FRK: variants seen among roughly 807,000 people sequenced by gnomAD.
FRK encodes fyn related Src family tyrosine kinase.
In FRK, 51 loss-of-function variants were observed where a neutral mutation model predicts 56.4. The observed-to-expected ratio is 0.90, with a 90% CI of 0.72 to 1.14. FRK has a LOEUF of 1.14. Among genes scored for constraint, FRK ranks in the 50% most tolerant of loss-of-function variants. The pLI is 0.00. For missense variants in FRK, 570 were observed against 601.4 expected (o/e 0.95, Z 0.55); for synonymous variants, 245 against 217.9 (o/e 1.12, Z -1.10).
intron 4 of FRK, among the ~76,000 whole-genome samples, chr6:115,959,925 T>G (rs1267128441): frequency 6.6e-6 from 1 of 152,052 alleles, no homozygotes; most frequent in Non-Finnish European, 1.5e-5. Flanking sequence ...GAACCCTTAG[T>G]GTCTCCATAA....
At chr6:116,005,808 G>A (rs1775227342) in intron 1 of FRK, among the ~76,000 whole-genome samples, 1 of 151,992 alleles carries the variant, frequency 6.6e-6, no homozygotes, top group Non-Finnish European at 1.5e-5. Context: ...ATGAAAGAAT[G>A]GATGACTCAA....
intron 5 of FRK, among the ~76,000 whole-genome samples, chr6:115,951,193 C>T (rs947303513): frequency 6.6e-6 from 1 of 151,954 alleles, no homozygotes; most frequent in African/African-American, 2.4e-5. Flanking sequence ...AAATTGAAAA[C>T]AAAATGAATG....
At chr6:116,089,088 A>G in the FRK span, among the ~76,000 whole-genome samples, 1 of 152,224 alleles carries the variant, frequency 6.6e-6, no homozygotes, top group African/African-American at 2.4e-5. Context: ...CTTCTTACAT[A>G]TTATTTATAC....
chr6:116,016,545 A>T (rs1344752762), intron 1 of FRK, among the ~76,000 whole-genome samples: 2 of 151,868 alleles, frequency 1.3e-5, no homozygotes, highest in Non-Finnish European at 2.9e-5. Flanking sequence ...GAGTGGATGG[A>T]TGTGTGTGTG....
chr6:115,944,145 A>T, intron 6 of FRK, 99 bp downstream of exon 6: 1 of 991,864 alleles, frequency 1.0e-6, no homozygotes. Context: ...CAGAACTTGG[A>T]GAAACATTGT....
chr6:116,000,605 T>C (rs975333363), intron 2 of FRK, among the ~76,000 whole-genome samples: 3 of 152,134 alleles, frequency 2.0e-5, no homozygotes, highest in Non-Finnish European at 2.9e-5. Context: ...TTTGACTAAA[T>C]AGCTGCCACC....
At chr6:116,076,483 A>G in the FRK span, among the ~76,000 whole-genome samples, 3 of 152,352 alleles carry the variant, frequency 2.0e-5, no homozygotes, top group East Asian at 3.9e-4. Flanking sequence ...ATAACAAATG[A>G]GAAATTATTA....
chr6:116,091,198 C>T, the FRK span, among the ~76,000 whole-genome samples: 2 of 152,180 alleles, frequency 1.3e-5, no homozygotes, highest in Admixed American at 6.5e-5. Flanking sequence ...CTGTGTCTAG[C>T]TAAAGGATTG....
the FRK span, among the ~76,000 whole-genome samples, chr6:116,092,175 C>G: frequency 0.039 from 5,869 of 152,260 alleles, 245 homozygotes; most frequent in Admixed American, 0.13. Context: ...ATAATTTTTG[C>G]CCAAAGCCCT....
chr6:116,090,154 T>C, the FRK span, among the ~76,000 whole-genome samples: 13 of 152,198 alleles, frequency 8.5e-5, no homozygotes, highest in Non-Finnish European at 2.9e-5. Context: ...AGCATGATAA[T>C]GAGTCGTGTC....
intron 1 of FRK, among the ~76,000 whole-genome samples, chr6:116,056,937 T>C (rs1394216438): frequency 6.6e-6 from 1 of 152,228 alleles, no homozygotes; most frequent in Non-Finnish European, 1.5e-5. Context: ...AATTAGTAAA[T>C]TGGGCTTTTT....
the FRK span, among the ~76,000 whole-genome samples, chr6:116,087,675 A>C: frequency 6.6e-6 from 1 of 152,268 alleles, no homozygotes; most frequent in Non-Finnish European, 1.5e-5. Context: ...AGACTGGCCA[A>C]CAGATGGAGA....
At chr6:115,985,300 G>A (rs915284721) in intron 2 of FRK, among the ~76,000 whole-genome samples, 3 of 152,090 alleles carry the variant, frequency 2.0e-5, no homozygotes, top group African/African-American at 7.2e-5. Flanking sequence ...AGCTCTCTTT[G>A]GGTGGTTACT....
chr6:116,042,473 T>A (rs2114792462), intron 1 of FRK, among the ~76,000 whole-genome samples: 1 of 152,262 alleles, frequency 6.6e-6, no homozygotes, highest in East Asian at 1.9e-4. Flanking sequence ...AAATTTTATA[T>A]CCAGACAAAC....
At chr6:116,058,957 C>G (rs552360865) in intron 1 of FRK, among the ~76,000 whole-genome samples, 4 of 151,442 alleles carry the variant, frequency 2.6e-5, no homozygotes, top group Admixed American at 2.0e-4. Context: ...AAAGACATTC[C>G]CAGTCTAAGG....
intron 1 of FRK, among the ~76,000 whole-genome samples, chr6:116,044,521 T>C (rs1488660712): frequency 2.6e-5 from 4 of 152,110 alleles, no homozygotes; most frequent in Non-Finnish European, 5.9e-5. Flanking sequence ...AGTCCTTCAA[T>C]AAAATTCAAC....
At chr6:116,087,699 C>T in the FRK span, among the ~76,000 whole-genome samples, 1 of 152,200 alleles carries the variant, frequency 6.6e-6, no homozygotes, top group Non-Finnish European at 1.5e-5. Flanking sequence ...CATTCCCAGC[C>T]TAATTCTTAT....
At chr6:115,960,598 A>T (rs1348740968) in intron 4 of FRK, among the ~76,000 whole-genome samples, 2 of 122,456 alleles carry the variant, frequency 1.6e-5, no homozygotes, top group African/African-American at 6.4e-5. Flanking sequence ...GGCAGGGCAC[A>T]GACAAACAAA....
At chr6:115,942,720 T>A in intron 7 of FRK, 95 bp from the exon 8 acceptor site, 1 of 1,076,600 alleles carries the variant, frequency 9.3e-7, no homozygotes, top group Non-Finnish European at 1.4e-6. Flanking sequence ...GGTTACTAAG[T>A]AAGTCAATTT....
Sources: gnomAD v4.1 joint callset for allele counts (sites outside exome capture counted in the v4.1 genomes callset) on GRCh38, gnomAD v4.1.1 for gene constraint, MANE v1.5 for transcripts, NCBI Gene and HGNC (gene_info 2026-07-23, HGNC 2026-07-21) for gene names.